SCNN1B: variants seen among roughly 807,000 people sequenced by gnomAD.
SCNN1B encodes the protein sodium channel epithelial 1 subunit beta, also known as epithelial sodium channel subunit beta.
Under a neutral mutation model 65.3 loss-of-function variants are expected in SCNN1B, and 46 were observed. The ratio of observed to expected loss-of-function variants is 0.70; its 90% CI spans 0.56 to 0.90. The LOEUF is 0.90. Ranked by LOEUF, SCNN1B falls within the 40% of genes least tolerant of loss-of-function variation. SCNN1B has a pLI of 0.00. For synonymous variants in SCNN1B, 349 were observed against 330.6 expected, an observed-to-expected ratio of 1.06 and a Z score of -0.60; for missense variants, 751 against 830.5, an observed-to-expected ratio of 0.90 and a Z score of 1.18.
intron 4 of SCNN1B, among the ~76,000 whole-genome samples, chr16:23,360,210 A>AAAT (rs1486699035): frequency 6.6e-6 from 1 of 150,844 alleles, no homozygotes; most frequent in Non-Finnish European, 1.5e-5. Context: ...AAAAATAAAT[A>AAAT]AATAAATAAA....
upstream of SCNN1B, among the ~76,000 whole-genome samples, chr16:23,298,965 C>A (rs1416034290): frequency 6.6e-6 from 1 of 152,018 alleles, no homozygotes; most frequent in Non-Finnish European, 1.5e-5. Context: ...AACTGTCCAA[C>A]AGGGCCCCAA....
intron 7 of SCNN1B, among the ~76,000 whole-genome samples, chr16:23,375,247 G>A (rs1002587005): frequency 6.6e-5 from 10 of 152,038 alleles, no homozygotes; most frequent in African/African-American, 2.2e-4. Flanking sequence ...GCATTAAGAC[G>A]CCCAGAGATC....
chr16:23,348,922 C>T lies in SCNN1B; in HGVS notation c.311+12C>T, dbSNP rs750175605. The stretch of plus-strand genomic sequence containing the variant: ...GCTAGCCCCTTCAAGTAGGTGGCCC[C>T]GGAGTGCACAGCTGGCCTCAGCAGA... On this transcript the variant is annotated intron_variant, in intron 2 of 12. Transcript: ENST00000343070. The surrounding 1 kb of genome is among the most constrained non-coding windows in gnomAD (Gnocchi z 4.5). 4.3e-6 allele frequency: 7 copies of T among 1,612,402 alleles called. No homozygotes were observed. Among genetic ancestry groups the T allele is most frequent in the Middle Eastern group, 1.6e-4 (1 of 6,062 alleles).
chr16:23,378,072 G>A (rs1478993788), intron 10 of SCNN1B, among the ~76,000 whole-genome samples: 3 of 152,236 alleles, frequency 2.0e-5, no homozygotes, highest in East Asian at 1.9e-4. Flanking sequence ...GCAGTGGTAC[G>A]ATCACAGCTC....
chr16:23,358,856 G>A (rs905697621), intron 4 of SCNN1B, among the ~76,000 whole-genome samples: 2 of 152,220 alleles, frequency 1.3e-5, no homozygotes, highest in Non-Finnish European at 2.9e-5. Context: ...GCAGTGAGCC[G>A]AGGTTGTGCC....
chr16:23,331,158 CACACA>C (rs1430976029), intron 1 of SCNN1B, among the ~76,000 whole-genome samples: 4 of 152,184 alleles, frequency 2.6e-5, no homozygotes, highest in Admixed American at 2.6e-4. Flanking sequence ...GTCTCTGCCC[CACACA>C]ACTTGCTCAC....
Position 23,380,407 on chromosome 16 carries a change from C to T in SCNN1B, c.1543-14C>T. 1 of 1,614,064 alleles carries T rather than the reference C, an allele frequency of 6.2e-7. No homozygotes were observed. Among genetic ancestry groups the T allele is most frequent in the Non-Finnish European group, 8.5e-7 (1 of 1,180,034 alleles). On this transcript the variant is annotated splice_polypyrimidine_tract_variant and intron_variant, in intron 12 of 12. Transcript: ENST00000343070. The surrounding 1 kb of genome is among the most constrained non-coding windows in gnomAD (Gnocchi z 5.4). ...GTGTGGCCTGAGCTCACCCCAGCTCCCTGTTCCCCACAGATCGTCTGGCTG... is the reference window on the plus strand; with the variant it reads ...GTGTGGCCTGAGCTCACCCCAGCTCTCTGTTCCCCACAGATCGTCTGGCTG...
intron 2 of SCNN1B, among the ~76,000 whole-genome samples, chr16:23,351,594 C>T (rs931339261): frequency 6.6e-6 from 1 of 152,206 alleles, no homozygotes; most frequent in Non-Finnish European, 1.5e-5. Context: ...TGGCCTCTGT[C>T]CAGCATTTAA....
At chr16:23,311,771 T>C (rs888674071) in intron 1 of SCNN1B, among the ~76,000 whole-genome samples, 3 of 152,108 alleles carry the variant, frequency 2.0e-5, no homozygotes, top group African/African-American at 7.2e-5. Flanking sequence ...AGGGGAAATG[T>C]GAAAAGTTTA....
intron 1 of SCNN1B, among the ~76,000 whole-genome samples, chr16:23,313,023 T>C (rs1406774004): frequency 1.3e-5 from 2 of 152,240 alleles, no homozygotes; most frequent in Non-Finnish European, 2.9e-5. Flanking sequence ...TAGGGAGTGT[T>C]TCCTGAGTGC....
intron 4 of SCNN1B, among the ~76,000 whole-genome samples, chr16:23,363,061 A>G (rs988663494): frequency 2.0e-5 from 3 of 152,034 alleles, no homozygotes; most frequent in African/African-American, 4.8e-5. Context: ...CCTCCAGGAA[A>G]CCTTCCCTGA....
intron 7 of SCNN1B, among the ~76,000 whole-genome samples, chr16:23,375,246 C>T (rs905279229): frequency 1.3e-5 from 2 of 152,124 alleles, no homozygotes; most frequent in African/African-American, 4.8e-5. Context: ...TGCATTAAGA[C>T]GCCCAGAGAT....
At position 23,311,168 on chromosome 16, in the gene SCNN1B, T is replaced by C. The variant is rs539308690; in HGVS notation, c.-9+8731T>C. On this transcript the variant is annotated intron_variant, in intron 1 of 12. Transcript: ENST00000343070. ...TTATCTCTGCATTGGGCACAACTTG[T>C]TAGAACAAGGATATTCGGCACTGTG... Among the ~76,000 whole-genome samples, 8 of 152,354 alleles carry C rather than the reference T, an allele frequency of 5.3e-5. No individual in the cohort carries two copies. The South Asian group carries it at 1.7e-3, about 32-fold the overall frequency.
At chr16:23,355,964 G>A (rs1962412039) in intron 4 of SCNN1B, among the ~76,000 whole-genome samples, 1 of 151,898 alleles carries the variant, frequency 6.6e-6, no homozygotes. Flanking sequence ...AAAGGAAGGA[G>A]GAAAAAGTTA....
At chr16:23,338,740 G>A (rs1233889866) in intron 1 of SCNN1B, among the ~76,000 whole-genome samples, 1 of 152,202 alleles carries the variant, frequency 6.6e-6, no homozygotes, top group African/African-American at 2.4e-5. Flanking sequence ...AAATCTAGCA[G>A]AACATGGTCA....
intron 7 of SCNN1B, 99 bp downstream of exon 7, chr16:23,371,982 C>T: frequency 3.3e-6 from 3 of 916,092 alleles, no homozygotes; most frequent in Admixed American, 3.6e-5. Context: ...GCAAGTCTGG[C>T]TCTGCTGGGC....
At chr16:23,355,629 C>T (rs542977597) in intron 4 of SCNN1B, 140 bp downstream of exon 4, 12 of 863,164 alleles carry the variant, frequency 1.4e-5, no homozygotes, top group South Asian at 5.7e-5. Flanking sequence ...TTCTGTGCCT[C>T]GGTGTCTTTT....
chr16:23,367,032 G>A (rs1596878708), intron 4 of SCNN1B, among the ~76,000 whole-genome samples: 1 of 152,098 alleles, frequency 6.6e-6, no homozygotes, highest in African/African-American at 2.4e-5. Flanking sequence ...GTGTCTGAAG[G>A]CCCCTGCCTC....
intron 5 of SCNN1B, 122 bp from the exon 6 acceptor site, chr16:23,371,177 C>A: frequency 1.8e-6 from 2 of 1,084,194 alleles, no homozygotes; most frequent in East Asian, 2.6e-5. Context: ...CAAAGTGGAG[C>A]CAGCCTCCTT....
Sources: allele counts gnomAD v4.1 joint callset (sites outside exome capture counted in the v4.1 genomes callset), GRCh38; gene constraint gnomAD v4.1.1; non-coding constraint Gnocchi (gnomAD v3.1); transcripts MANE v1.5; gene names NCBI Gene and HGNC (gene_info 2026-07-23, HGNC 2026-07-21).